Variants in ACACA observed in about 807,000 individuals in gnomAD.
ACACA encodes the protein acetyl-CoA carboxylase alpha.
In ACACA, 103 loss-of-function variants were observed where a neutral mutation model predicts 296.1. That is an observed-to-expected ratio of 0.35 (90% CI 0.30 to 0.41). The LOEUF (loss-of-function observed/expected upper bound fraction) is 0.41, where lower values mean the gene tolerates loss of function less well. Among genes scored for constraint, ACACA ranks in the 10% least tolerant of loss-of-function variants. The pLI, the probability that ACACA is intolerant of heterozygous loss-of-function variation, is 1.00. For synonymous variants in ACACA, 953 were observed against 1,038.6 expected (o/e 0.92, Z 1.58); for missense variants, 1,554 against 2,989.7 (o/e 0.52, Z 11.20).
intron 19 of ACACA, among the ~76,000 whole-genome samples, chr17:37,246,337 G>A (rs1343869777): frequency 6.6e-6 from 1 of 152,134 alleles, no homozygotes; most frequent in Non-Finnish European, 1.5e-5. Flanking sequence ...ATTTGCCTAT[G>A]TGTTTTAAAA....
At position 37,406,731 on chromosome 17, in the gene ACACA, C is replaced by T; in HGVS notation, c.-432G>A. 1 of 188,976 alleles carries T rather than the reference C, an allele frequency of 5.3e-6. No individual in the cohort carries two copies. The highest frequency in any genetic ancestry group is 1.1e-5 in the Non-Finnish European group (1 of 91,474). The allele number at this position is 188,976 out of a possible 1,614,324, so 11.7% of individuals were successfully genotyped here. On this transcript the variant is annotated 5_prime_UTR_variant, in exon 1 of 56. It adds an upstream start codon to the 5' untranslated region. Transcript: ENST00000616317. ...GCCCCATCCTCCCAGTCCTCGGGCA[C>T]GGGGACAGCAGCAGGCGCGCGGCGG... is the stretch of plus-strand genomic sequence containing the variant.
chr17:37,232,197 T>C (rs1401529595), intron 25 of ACACA, among the ~76,000 whole-genome samples: 1 of 152,170 alleles, frequency 6.6e-6, no homozygotes, highest in African/African-American at 2.4e-5. Flanking sequence ...AGTTTCTTGA[T>C]ACCTCCCTCC....
chr17:37,305,097 G>T (rs1343726778), intron 3 of ACACA, among the ~76,000 whole-genome samples: 1 of 151,922 alleles, frequency 6.6e-6, no homozygotes, highest in Non-Finnish European at 1.5e-5. Flanking sequence ...CCTAAACATG[G>T]GTCACATTTT....
chr17:37,298,786 C>T (rs1406421604), intron 3 of ACACA, among the ~76,000 whole-genome samples: 2 of 152,142 alleles, frequency 1.3e-5, no homozygotes, highest in Non-Finnish European at 2.9e-5. Context: ...AAGAAAGGTC[C>T]CAAAGTGAAG....
chr17:37,086,019 T>C lies in ACACA; in HGVS notation c.*1297A>G, dbSNP rs1045180661. On this transcript the variant is annotated 3_prime_UTR_variant, in exon 56 of 56. Transcript: ENST00000616317. ...TAAACTAGTTGTTGAAAGTAAACTC[T>C]CTCCACCACCTGAGGAAGCCCCTGA... is the stretch of plus-strand genomic sequence containing the variant. 3.6e-5 allele frequency: 14 copies of C among 390,854 alleles called. No individual in the cohort carries two copies. The highest frequency in any genetic ancestry group is 1.8e-4 in the Admixed American group (4 of 22,474). The allele number at this position is 390,854 out of a possible 1,614,324, so 24.2% of individuals were successfully genotyped here.
At chr17:37,231,130 T>C (rs568749307) in intron 25 of ACACA, among the ~76,000 whole-genome samples, 3 of 152,152 alleles carry the variant, frequency 2.0e-5, no homozygotes, top group South Asian at 4.2e-4. Flanking sequence ...TCCCAGCATT[T>C]TGGGAGGCCA....
chr17:37,289,513 A>G, intron 3 of ACACA: 1 of 1,351,484 alleles, frequency 7.4e-7, no homozygotes, highest in Non-Finnish European at 9.8e-7. Flanking sequence ...TTCATATCCC[A>G]CGAGTATTTC....
intron 9 of ACACA, among the ~76,000 whole-genome samples, chr17:37,271,451 G>GC (rs1322441005): frequency 2.0e-5 from 3 of 151,994 alleles, no homozygotes; most frequent in Non-Finnish European, 4.4e-5. Flanking sequence ...GGAGGTGGAG[G>GC]TTGCAGTGAG....
chr17:37,113,137 A>T lies in ACACA; in HGVS notation c.6403T>A (p.Ser2135Thr), dbSNP rs1264716666. 1 of 1,614,042 alleles carries T rather than the reference A, an allele frequency of 6.2e-7. No homozygotes were observed. Among genetic ancestry groups the T allele is most frequent in the African/African-American group, 1.3e-5 (1 of 74,906 alleles). Residue 2135 changes from serine (S) to threonine (T), a missense_variant, in exon 51 of 56, where the codon TCC (serine) becomes ACC (threonine). Transcript: ENST00000616317. This position sits in a 1 kb window ranked among gnomAD's most constrained non-coding sequence, Gnocchi z 4.0. ...TCCATGTGCCGGGGGTTGATGGAGG[A>T]GTCAATCACCACCCAGGAGCCACCC... ...LRGGSWVVID[S>T]SINPRHMEMY...
chr17:37,389,677 ACT>A (rs1260196598), intron 1 of ACACA, among the ~76,000 whole-genome samples: 2 of 151,546 alleles, frequency 1.3e-5, no homozygotes, highest in East Asian at 3.9e-4. Context: ...ACAGAGTAAG[ACT>A]CTGTCTCAAA....
intron 8 of ACACA, among the ~76,000 whole-genome samples, chr17:37,275,671 TA>T (rs2082258739): frequency 1.3e-5 from 2 of 152,092 alleles, no homozygotes; most frequent in African/African-American, 4.8e-5. Context: ...AGAGTACATC[TA>T]AACCCACAAA....
intron 1 of ACACA, among the ~76,000 whole-genome samples, chr17:37,403,733 T>C (rs2051368556): frequency 6.6e-6 from 1 of 152,162 alleles, no homozygotes. Flanking sequence ...GAGCCTAACA[T>C]CAACTGAAGG....
At chr17:37,189,986 G>A (rs2077685227) in intron 38 of ACACA, among the ~76,000 whole-genome samples, 2 of 149,440 alleles carry the variant, frequency 1.3e-5, no homozygotes, top group South Asian at 4.3e-4. Context: ...ACTAGCCTGG[G>A]CAACATAGCA....
chr17:37,251,138 A>C (rs1439454206), intron 16 of ACACA, among the ~76,000 whole-genome samples: 2 of 152,250 alleles, frequency 1.3e-5, no homozygotes, highest in East Asian at 1.9e-4. Flanking sequence ...GTACACCAAT[A>C]AGAAAACTAT....
rs1296468728 is a variant in ACACA, at chr17:37,241,972, T to C, written c.3013A>G (p.Ile1005Val). 2 of 1,613,608 alleles carry C rather than the reference T, an allele frequency of 1.2e-6. No homozygotes were observed. Among genetic ancestry groups the C allele is most frequent in the East Asian group, 2.2e-5 (1 of 44,860 alleles). ...REVFFMNTQS[I>V]VQLVQRYRSG... Reference sequence around the variant, plus strand: ...TACTACCTCTGTACCAGCTGAACAATGCTCTGAGTATTCATAAAGAAGACT... The same window carrying C: ...TACTACCTCTGTACCAGCTGAACAACGCTCTGAGTATTCATAAAGAAGACT... Residue 1005 changes from isoleucine to valine, a missense_variant, in exon 23 of 56, where the codon ATT becomes GTT. Physicochemically the swap from Ile to Val is conservative, Grantham distance 29. This residue lies in a region of ACACA where 316 missense variants were observed against 540.9 expected (regional missense o/e 0.58). Transcript: ENST00000616317.
At position 37,161,685 on chromosome 17, in the gene ACACA, G is replaced by A. The variant is rs779758202; in HGVS notation, c.5349+96C>T. 18 of 1,442,448 alleles carry A rather than the reference G, an allele frequency of 1.2e-5. No homozygotes were observed. The East Asian group carries it at 3.9e-4, about 31-fold the overall frequency. 89.4% of individuals were successfully genotyped at this position (1,442,448 alleles called of 1,614,324 possible). A position where few individuals can be genotyped will look rare whatever the true frequency, so the allele number is the denominator to read the frequency against. On this transcript the variant is annotated intron_variant, in intron 42 of 55. Coordinates refer to ENST00000616317, the MANE Select transcript of ACACA (RefSeq NM_198834.3). ...ATATTTAATTTTTACCATAAGTGGTGATTTTTGAACTTAAACCTCTACCCT... is the reference window on the plus strand; with the variant it reads ...ATATTTAATTTTTACCATAAGTGGTAATTTTTGAACTTAAACCTCTACCCT...
chr17:37,100,658 C>T (rs2073308355), intron 52 of ACACA, among the ~76,000 whole-genome samples: 1 of 149,260 alleles, frequency 6.7e-6, no homozygotes, highest in Non-Finnish European at 1.5e-5. Context: ...CTAAAAAGGA[C>T]ATTGAGACAA....
chr17:37,177,739 C>T (rs2144801730), intron 41 of ACACA, among the ~76,000 whole-genome samples: 1 of 152,328 alleles, frequency 6.6e-6, no homozygotes, highest in South Asian at 2.1e-4. Context: ...GTGGCAGAAA[C>T]CTCTGTTTCA....
intron 2 of ACACA, 51 bp downstream of exon 2, chr17:37,339,753 T>C (rs2048299066): frequency 8.7e-7 from 1 of 1,147,988 alleles, no homozygotes; most frequent in Non-Finnish European, 1.3e-6. Flanking sequence ...TTTTACAACA[T>C]GAACAAAATT....
Sources: allele counts gnomAD v4.1 joint callset (sites outside exome capture counted in the v4.1 genomes callset), GRCh38; gene constraint gnomAD v4.1.1; regional missense constraint gnomAD v4.1.1; non-coding constraint Gnocchi (gnomAD v3.1); transcripts MANE v1.5; gene names NCBI Gene and HGNC (gene_info 2026-07-23, HGNC 2026-07-21).